GPR39: variants seen among roughly 807,000 people sequenced by gnomAD.
GPR39 encodes the protein zinc sensing receptor.
A neutral mutation model predicts 18.4 loss-of-function variants in GPR39; 23 were observed. The ratio of observed to expected loss-of-function variants is 1.25; its 90% CI spans 0.90 to 1.77. The LOEUF (loss-of-function observed/expected upper bound fraction) is 1.77. GPR39 is among the 40% of genes most tolerant of loss of function. The pLI is 0.00. For missense variants in GPR39, 647 were observed against 602.4 expected (o/e 1.07, Z -0.78); for synonymous variants, 280 against 257.9 (o/e 1.09, Z -0.82).
chr2:132,426,896 C>T (rs1211232245), intron 1 of GPR39, among the ~76,000 whole-genome samples: 1 of 151,954 alleles, frequency 6.6e-6, no homozygotes, highest in East Asian at 1.9e-4. Context: ...AAACTAACGG[C>T]ATGCAGAAAT....
intron 1 of GPR39, among the ~76,000 whole-genome samples, chr2:132,495,392 G>C (rs144585420): frequency 6.6e-6 from 1 of 152,100 alleles, no homozygotes; most frequent in Admixed American, 6.6e-5. Flanking sequence ...TGTTGAGGTC[G>C]CTTTGTAGAT....
rs375187780 is a variant in GPR39 at position 132,417,950 on chromosome 2, C to T, written c.856+52C>T. 5 of 1,525,694 alleles carry T rather than the reference C, an allele frequency of 3.3e-6. No individual in the cohort carries two copies. In the South Asian group the frequency reaches 5.0e-5, roughly 15 times the overall value. 94.5% of individuals were successfully genotyped at this position (1,525,694 alleles called of 1,614,324 possible). Reference sequence around the variant, plus strand: ...TGAGCAGCTTCCCAACCTTCCCCCACGACCCGTGCCACTGCCTGTGGCCCT... The same window carrying T: ...TGAGCAGCTTCCCAACCTTCCCCCATGACCCGTGCCACTGCCTGTGGCCCT... On this transcript the variant is annotated intron_variant, in intron 1 of 1. Coordinates refer to ENST00000329321, the MANE Select transcript of GPR39 (RefSeq NM_001508.3).
At chr2:132,510,366 C>T (rs776202628) in intron 1 of GPR39, among the ~76,000 whole-genome samples, 1 of 152,148 alleles carries the variant, frequency 6.6e-6, no homozygotes, top group East Asian at 1.9e-4. Context: ...CTGTCTGGGG[C>T]TGCTAGTCTC....
intron 1 of GPR39, among the ~76,000 whole-genome samples, chr2:132,616,986 G>A (rs1365046134): frequency 2.6e-5 from 4 of 152,154 alleles, no homozygotes; most frequent in Admixed American, 1.3e-4. Flanking sequence ...CATTCATAGA[G>A]ACATTTTTAA....
chr2:132,485,538 A>G (rs866581872), intron 1 of GPR39, among the ~76,000 whole-genome samples: 23 of 152,366 alleles, frequency 1.5e-4, no homozygotes, highest in South Asian at 1.0e-3. Flanking sequence ...TGCTTTATCA[A>G]CTAAGTCTAA....
chr2:132,417,568 A>G lies in GPR39; in HGVS notation c.526A>G (p.Thr176Ala). ...ACTGCCCTTGCTGTTTGCCATGGGT[A>G]CTGAGTACCCCCTGGTGAACGTGCC... ...VALPLLFAMG[T>A]EYPLVNVPSH... Residue 176 changes from threonine (T) to alanine (A), a missense_variant, in exon 1 of 2, where the codon ACT becomes GCT. Thr to Ala is a moderately conservative substitution (Grantham distance 58, BLOSUM62 0). Coordinates refer to ENST00000329321, the MANE Select transcript of GPR39 (RefSeq NM_001508.3). The G allele has an allele frequency of 1.2e-6, 2 of 1,614,046 alleles. No individual in the cohort carries two copies. The highest frequency in any genetic ancestry group is 1.7e-6 in the Non-Finnish European group (2 of 1,180,016).
At chr2:132,627,453 A>G (rs1206143663) in intron 1 of GPR39, among the ~76,000 whole-genome samples, 2 of 152,256 alleles carry the variant, frequency 1.3e-5, no homozygotes, top group Non-Finnish European at 2.9e-5. Context: ...TCTAGGAAGC[A>G]GAGAGAAAGA....
intron 1 of GPR39, among the ~76,000 whole-genome samples, chr2:132,526,906 A>T (rs555636257): frequency 1.3e-5 from 2 of 152,274 alleles, no homozygotes; most frequent in East Asian, 3.9e-4. Flanking sequence ...CCCTTTTTTT[A>T]AAATTAATTC....
chr2:132,548,923 G>A (rs773182682), intron 1 of GPR39, among the ~76,000 whole-genome samples: 3 of 152,152 alleles, frequency 2.0e-5, no homozygotes, highest in Non-Finnish European at 2.9e-5. Flanking sequence ...TAGGGAAACC[G>A]TCTCTGACCC....
At chr2:132,532,460 A>G (rs1479189422) in intron 1 of GPR39, among the ~76,000 whole-genome samples, 2 of 152,186 alleles carry the variant, frequency 1.3e-5, no homozygotes, top group African/African-American at 2.4e-5. Context: ...ATTCCAATCA[A>G]TAGAAAAAGA....
At chr2:132,517,677 G>A (rs1016436146) in intron 1 of GPR39, among the ~76,000 whole-genome samples, 1 of 152,146 alleles carries the variant, frequency 6.6e-6, no homozygotes, top group Non-Finnish European at 1.5e-5. Context: ...CGCCAAATTT[G>A]TGAACAGTTT....
chr2:132,531,837 C>T (rs1679639666), intron 1 of GPR39, among the ~76,000 whole-genome samples: 1 of 152,152 alleles, frequency 6.6e-6, no homozygotes, highest in South Asian at 2.1e-4. Flanking sequence ...ATCTCTGGGA[C>T]ACATTCAAAG....
chr2:132,584,149 C>A (rs969601692), intron 1 of GPR39, among the ~76,000 whole-genome samples: 3 of 151,956 alleles, frequency 2.0e-5, no homozygotes, highest in Non-Finnish European at 2.9e-5. Context: ...AGTACCCATG[C>A]GGCAGAGACC....
rs537130626 is a variant in GPR39, at chr2:132,564,197, G to A, written c.857-80904G>A. ...GAAAATAGTCACTGTGCTGGAGAGC[G>A]CTGGAGGAAATGTAATAGTGTTAGT... On this transcript the variant is annotated intron_variant, in intron 1 of 1. Coordinates refer to ENST00000329321, the MANE Select transcript of GPR39 (RefSeq NM_001508.3). Among the ~76,000 whole-genome samples the A allele has an allele frequency of 2.0e-5, 3 of 152,262 alleles. No homozygotes were observed. The South Asian group carries it at 6.2e-4, about 32-fold the overall frequency.
chr2:132,590,337 T>TAC (rs1442391014), intron 1 of GPR39, among the ~76,000 whole-genome samples: 4 of 152,110 alleles, frequency 2.6e-5, no homozygotes, highest in African/African-American at 9.7e-5. Flanking sequence ...AGGTTGAAGA[T>TAC]ACACACACAC....
At chr2:132,585,187 G>A (rs1436731928) in intron 1 of GPR39, among the ~76,000 whole-genome samples, 1 of 151,988 alleles carries the variant, frequency 6.6e-6, no homozygotes, top group African/African-American at 2.4e-5. Context: ...TACTGCACCC[G>A]CCCCTTTACC....
chr2:132,542,161 GT>G (rs1236456419), intron 1 of GPR39, among the ~76,000 whole-genome samples: 1 of 152,108 alleles, frequency 6.6e-6, no homozygotes, highest in Non-Finnish European at 1.5e-5. Context: ...TCTATAGCAG[GT>G]GGACAGGAAG....
At chr2:132,552,578 G>C (rs565622185) in intron 1 of GPR39, among the ~76,000 whole-genome samples, 2 of 152,146 alleles carry the variant, frequency 1.3e-5, no homozygotes, top group Admixed American at 1.3e-4. Flanking sequence ...TGCAACAACA[G>C]CCTAACACAT....
At chr2:132,525,444 C>A (rs1679490243) in intron 1 of GPR39, among the ~76,000 whole-genome samples, 1 of 152,216 alleles carries the variant, frequency 6.6e-6, no homozygotes, top group South Asian at 2.1e-4. Flanking sequence ...TGCTAATGCT[C>A]CCTGACTTTC....
Sources: gnomAD v4.1 joint callset for allele counts (sites outside exome capture counted in the v4.1 genomes callset) on GRCh38, gnomAD v4.1.1 for gene constraint, MANE v1.5 for transcripts, NCBI Gene and HGNC (gene_info 2026-07-23, HGNC 2026-07-21) for gene names.